Variants in PCBP3 observed in about 807,000 individuals in gnomAD.
The protein encoded by PCBP3 is poly(rC)-binding protein 3.
A neutral mutation model predicts 52.7 loss-of-function variants in PCBP3; 25 were observed. That is an observed-to-expected ratio of 0.47 (90% CI 0.35 to 0.66). The LOEUF is 0.66. PCBP3 is among the 30% of genes least tolerant of loss of function. The probability of loss-of-function intolerance (pLI) is 0.01; values close to 1 mark genes in which losing one functional copy is unlikely to be tolerated. For synonymous variants in PCBP3, 162 were observed against 183.0 expected, an observed-to-expected ratio of 0.89 and a Z score of 0.93; for missense variants, 391 against 490.3, an observed-to-expected ratio of 0.80 and a Z score of 1.91.
rs760812561 is a variant in PCBP3 at position 45,911,018 on chromosome 21, G to T, written c.588G>T (p.Val196=). Residue 196 remains valine, a synonymous_variant, in exon 11 of 18, where the codon GTG becomes GTT. Coordinates refer to ENST00000681687, the MANE Select transcript of PCBP3 (RefSeq NM_001384156.1). ...AIIQCVKQIC[V]VMLESPPKGA... ...TCCAGTGCGTCAAGCAGATCTGTGT[G>T]GTCATGCTGGAGGTACCGTCTGCGC... The T allele has an allele frequency of 1.2e-6, 2 of 1,610,670 alleles. No homozygotes were observed. Among genetic ancestry groups the T allele is most frequent in the South Asian group, 1.1e-5 (1 of 91,082 alleles).
intron 4 of PCBP3, among the ~76,000 whole-genome samples, chr21:45,808,805 A>G (rs1790317959): frequency 6.6e-6 from 1 of 152,228 alleles, no homozygotes; most frequent in African/African-American, 2.4e-5. Context: ...TCCACCAATG[A>G]TAGGCTGGAT....
intron 5 of PCBP3, among the ~76,000 whole-genome samples, chr21:45,866,237 C>T (rs1335095238): frequency 2.6e-5 from 4 of 152,204 alleles, no homozygotes; most frequent in African/African-American, 4.8e-5. Context: ...AGCTGAGTGT[C>T]CACACCTTGC....
At position 45,853,989 on chromosome 21, in the gene PCBP3, G is replaced by A. The variant is rs1036176476; in HGVS notation, c.10+3894G>A. On this transcript the variant is annotated intron_variant, in intron 5 of 17. Transcript: ENST00000681687. The surrounding 1 kb of genome is among the most constrained non-coding windows in gnomAD (Gnocchi z 4.6). ...CAGCCTCTGTGCACGAGGCTAGGAA[G>A]AGAAGAGATTTCCAAAAAGGTAAGA... 1 of 151,958 alleles carries A rather than the reference G, an allele frequency of 6.6e-6. No homozygotes were observed. Among genetic ancestry groups the A allele is most frequent in the African/African-American group, 2.4e-5 (1 of 41,324 alleles). The allele number at this position is 151,958 out of a possible 1,614,324, so 9.4% of individuals were successfully genotyped here.
chr21:45,722,268 C>T (rs1213870920), intron 2 of PCBP3, among the ~76,000 whole-genome samples: 3 of 152,096 alleles, frequency 2.0e-5, no homozygotes, highest in African/African-American at 7.2e-5. Context: ...GCCTATGTGA[C>T]ATAAAATGTA....
intron 4 of PCBP3, among the ~76,000 whole-genome samples, chr21:45,835,410 A>G (rs1460928166): frequency 1.3e-5 from 2 of 152,054 alleles, no homozygotes; most frequent in African/African-American, 4.8e-5. Flanking sequence ...AAGTGGCCGT[A>G]GCACCTTTAA....
rs550097996 is a variant in PCBP3, at chr21:45,805,894, TG to T, written c.-125-44060del. Among the ~76,000 whole-genome samples, 2 of 151,676 alleles carry T rather than the reference TG, an allele frequency of 1.3e-5. No individual in the cohort carries two copies. The highest frequency in any genetic ancestry group is 4.8e-5 in the African/African-American group (2 of 41,246). On this transcript the variant is annotated intron_variant, in intron 4 of 17. Coordinates refer to ENST00000681687, the MANE Select transcript of PCBP3 (RefSeq NM_001384156.1). This position sits in a 1 kb window ranked among gnomAD's most constrained non-coding sequence, Gnocchi z 4.6. ...GAGGAAAGGAGGGCGAGAGCAGAGC[TG>T]GGGGGGCGGGCCATGAGGGGAAGTC...
intron 4 of PCBP3, among the ~76,000 whole-genome samples, chr21:45,813,463 A>T (rs2092738295): frequency 6.6e-6 from 1 of 152,048 alleles, no homozygotes; most frequent in East Asian, 1.9e-4. Context: ...TTTTTTGGAA[A>T]TGGAGTCTCC....
chr21:45,829,010 G>A lies in PCBP3; in HGVS notation c.-125-20951G>A, dbSNP rs2093378908. 1 of 152,304 alleles carries A rather than the reference G, an allele frequency of 6.6e-6. No individual in the cohort carries two copies. Among genetic ancestry groups the A allele is most frequent in the African/African-American group, 2.4e-5 (1 of 41,434 alleles). 9.4% of individuals were successfully genotyped at this position (152,304 alleles called of 1,614,324 possible). A position where few individuals can be genotyped will look rare whatever the true frequency, so the allele number is the denominator to read the frequency against. On this transcript the variant is annotated intron_variant, in intron 4 of 17. Transcript: ENST00000681687. The surrounding 1 kb of genome is among the most constrained non-coding windows in gnomAD (Gnocchi z 5.2). ...ACTTGTGTCTTCCCACATTTCACAG[G>A]TCGAACTTACCAGGTGAAGCTGGAT...
At chr21:45,731,624 C>T (rs1475031193) in intron 2 of PCBP3, among the ~76,000 whole-genome samples, 1 of 152,190 alleles carries the variant, frequency 6.6e-6, no homozygotes, top group Non-Finnish European at 1.5e-5. Context: ...ATACTTTTTA[C>T]AGTATATGCC....
At chr21:45,702,413 C>T (rs922883938) in intron 2 of PCBP3, among the ~76,000 whole-genome samples, 7 of 152,106 alleles carry the variant, frequency 4.6e-5, no homozygotes, top group Admixed American at 3.3e-4. Flanking sequence ...AGGCAAATCT[C>T]GGAGCTATTG....
At chr21:45,814,155 C>T (rs886119181) in intron 4 of PCBP3, among the ~76,000 whole-genome samples, 13 of 152,024 alleles carry the variant, frequency 8.6e-5, no homozygotes, top group African/African-American at 1.2e-4. Context: ...TTAAACACTT[C>T]GAAACATAGA....
intron 2 of PCBP3, among the ~76,000 whole-genome samples, chr21:45,689,461 T>C (rs956041055): frequency 3.3e-5 from 5 of 151,926 alleles, no homozygotes; most frequent in African/African-American, 7.2e-5. Flanking sequence ...TTTATGAAAA[T>C]CCGACAATTA....
In PCBP3 at chr21:45,832,875, C is replaced by T. The variant is rs534900872; in HGVS notation, c.-125-17086C>T. ...GGAAGCAAGCACCTTCTTCACAAGG[C>T]GGCAGGAGAGAGAAGTGTGGGCGAA... On this transcript the variant is annotated intron_variant, in intron 4 of 17. Coordinates refer to ENST00000681687, the MANE Select transcript of PCBP3 (RefSeq NM_001384156.1). 2.6e-5 allele frequency among the ~76,000 whole-genome samples: 4 copies of T among 152,218 alleles called. No individual in the cohort carries two copies. In the South Asian group the frequency reaches 6.2e-4, roughly 24 times the overall value.
chr21:45,670,050 A>G (rs2081078396), intron 2 of PCBP3, among the ~76,000 whole-genome samples: 1 of 151,910 alleles, frequency 6.6e-6, no homozygotes, highest in African/African-American at 2.4e-5. Context: ...TATTGTTTTC[A>G]TAGCAGCTCC....
chr21:45,793,506 A>C (rs1378078242), intron 4 of PCBP3, among the ~76,000 whole-genome samples: 1 of 152,076 alleles, frequency 6.6e-6, no homozygotes, highest in Non-Finnish European at 1.5e-5. Flanking sequence ...GAAAGAGAGA[A>C]TATTGAGGGG....
chr21:45,717,194 TC>T (rs2084281749), intron 2 of PCBP3, among the ~76,000 whole-genome samples: 3 of 152,314 alleles, frequency 2.0e-5, no homozygotes, highest in Admixed American at 2.0e-4. Flanking sequence ...TGTATATTGA[TC>T]CCTGCCACCT....
intron 13 of PCBP3, chr21:45,919,279 T>C (rs1022590304): frequency 6.6e-6 from 1 of 152,238 alleles, no homozygotes; most frequent in African/African-American, 2.4e-5. Flanking sequence ...TTCCAGTCTG[T>C]GTGCTGCTCC....
At chr21:45,712,653 T>A (rs2083915862) in intron 2 of PCBP3, among the ~76,000 whole-genome samples, 1 of 152,164 alleles carries the variant, frequency 6.6e-6, no homozygotes, top group Non-Finnish European at 1.5e-5. Flanking sequence ...ATATACTAAT[T>A]ATGATGATGA....
intron 1 of PCBP3, among the ~76,000 whole-genome samples, chr21:45,660,805 G>A (rs1221416641): frequency 1.3e-5 from 2 of 152,082 alleles, no homozygotes; most frequent in Admixed American, 6.5e-5. Context: ...TTGGGAGGCC[G>A]ACGCGGACAG....
Sources: allele counts gnomAD v4.1 joint callset (sites outside exome capture counted in the v4.1 genomes callset), GRCh38; gene constraint gnomAD v4.1.1; non-coding constraint Gnocchi (gnomAD v3.1); transcripts MANE v1.5; gene names NCBI Gene and HGNC (gene_info 2026-07-23, HGNC 2026-07-21).